The following ANKRD44 variants were observed in gnomAD, a reference collection of about 807,000 sequenced individuals.
ANKRD44 encodes serine/threonine-protein phosphatase 6 regulatory ankyrin repeat subunit B.
In ANKRD44, 35 loss-of-function variants were observed where a neutral mutation model predicts 116.0. The ratio of observed to expected loss-of-function variants is 0.30; its 90% CI spans 0.23 to 0.40. The LOEUF is 0.40. Ranked by LOEUF, ANKRD44 falls within the 10% of genes least tolerant of loss-of-function variation. The pLI, the probability that ANKRD44 is intolerant of heterozygous loss-of-function variation, is 1.00. For missense variants in ANKRD44, 1,014 were observed against 1,242.6 expected (o/e 0.82, Z 2.77); for synonymous variants, 435 against 461.8 (o/e 0.94, Z 0.74).
Position 196,987,771 on chromosome 2 carries a change from G to A in ANKRD44, c.*1820C>T. 1.0e-6 allele frequency: 1 copy of A among 985,336 alleles called. No homozygotes were observed. 61.0% of individuals were successfully genotyped at this position (985,336 alleles called of 1,614,324 possible). ...GCAATGAAACATGATCCTTGTAGTT[G>A]TGGTTAAAATACAGTCTAAAAATAA... On this transcript the variant is annotated 3_prime_UTR_variant, in exon 28 of 28. Coordinates refer to ENST00000282272, the MANE Select transcript of ANKRD44 (RefSeq NM_001195144.2).
rs1468046866 is a variant in ANKRD44 at position 197,110,779 on chromosome 2, G to C, written c.972C>G (p.Thr324=). ...AVHGRFTRSQ[T]LIQNGGEIDC... is the part of the protein sequence containing the mutation. Reference sequence around the variant, plus strand: ...CATCTCTCTTACCATTCTGAATGAGGGTCTGTGACCGTGTGAACCTTCCAT... The same window carrying C: ...CATCTCTCTTACCATTCTGAATGAGCGTCTGTGACCGTGTGAACCTTCCAT... Residue 324 remains threonine, a synonymous_variant, in exon 9 of 28, where the codon ACC becomes ACG. Transcript: ENST00000282272. 2 of 1,613,292 alleles carry C rather than the reference G, an allele frequency of 1.2e-6. No individual in the cohort carries two copies. The highest frequency in any genetic ancestry group is 1.7e-6 in the Non-Finnish European group (2 of 1,179,382).
Position 196,988,712 on chromosome 2 carries a change from T to C in ANKRD44, c.*879A>G. The C allele has an allele frequency of 2.0e-6, 2 of 985,276 alleles. No individual in the cohort carries two copies. The highest frequency in any genetic ancestry group is 2.4e-6 in the Non-Finnish European group (2 of 829,890). 61.0% of individuals were successfully genotyped at this position (985,276 alleles called of 1,614,324 possible). ...GAACTCATTATAAAACGTCAGAGAG[T>C]ACTGCTCTAATTCGACACATTTCTT... On this transcript the variant is annotated 3_prime_UTR_variant, in exon 28 of 28. Coordinates refer to ENST00000282272, the MANE Select transcript of ANKRD44 (RefSeq NM_001195144.2).
chr2:197,019,686 A>G (rs1393587966), intron 17 of ANKRD44, among the ~76,000 whole-genome samples: 2 of 152,248 alleles, frequency 1.3e-5, no homozygotes, highest in African/African-American at 2.4e-5. Flanking sequence ...CTTTTATTAT[A>G]GGAAATTCCA....
At chr2:197,085,068 G>T (rs2077888663) in intron 13 of ANKRD44, among the ~76,000 whole-genome samples, 1 of 152,276 alleles carries the variant, frequency 6.6e-6, no homozygotes, top group East Asian at 1.9e-4. Flanking sequence ...GCTCTCGATT[G>T]TTCAGCAGTT....
intron 2 of ANKRD44, among the ~76,000 whole-genome samples, chr2:197,179,557 C>T (rs918869858): frequency 4.6e-5 from 7 of 152,160 alleles, no homozygotes; most frequent in African/African-American, 1.4e-4. Flanking sequence ...CTTTGTACTA[C>T]AAAAATGTCC....
At chr2:197,226,867 T>C (rs1308826962) in intron 1 of ANKRD44, among the ~76,000 whole-genome samples, 2 of 152,150 alleles carry the variant, frequency 1.3e-5, no homozygotes, top group Non-Finnish European at 2.9e-5. Flanking sequence ...TTACCTTCTT[T>C]CATAACTCTA....
chr2:197,284,503 A>AACACACACACACACACAC (rs10547024), intron 1 of ANKRD44, among the ~76,000 whole-genome samples: 16 of 137,866 alleles, frequency 1.2e-4, no homozygotes, highest in African/African-American at 4.1e-4. Flanking sequence ...CAGAGAGTCA[A>AACACACACACACACACAC]ACACACACAC....
chr2:197,275,138 T>C (rs2083037219), intron 1 of ANKRD44, among the ~76,000 whole-genome samples: 1 of 151,580 alleles, frequency 6.6e-6, no homozygotes, highest in Non-Finnish European at 1.5e-5. Context: ...AGACAGACTC[T>C]CGCTCTGTCA....
intron 2 of ANKRD44, among the ~76,000 whole-genome samples, chr2:197,152,212 T>C (rs898926978): frequency 2.6e-5 from 4 of 152,214 alleles, no homozygotes; most frequent in South Asian, 2.1e-4. Flanking sequence ...ATTTCCATCT[T>C]TTGCCCAAGT....
intron 2 of ANKRD44, among the ~76,000 whole-genome samples, chr2:197,160,775 A>G (rs2079941765): frequency 6.6e-6 from 1 of 152,182 alleles, no homozygotes; most frequent in African/African-American, 2.4e-5. Context: ...AAAACTGGAC[A>G]GATGGGAGCT....
intron 1 of ANKRD44, among the ~76,000 whole-genome samples, chr2:197,243,695 G>A (rs768110209): frequency 2.6e-4 from 40 of 152,188 alleles, no homozygotes; most frequent in Non-Finnish European, 4.1e-4. Context: ...TGTTCCTCAC[G>A]GATGGCACCT....
At chr2:197,310,192 G>C (rs934999628) in intron 1 of ANKRD44, among the ~76,000 whole-genome samples, 15 of 152,048 alleles carry the variant, frequency 9.9e-5, no homozygotes, top group Admixed American at 6.5e-4. Flanking sequence ...CTCCCTCTTC[G>C]TGCAGCGTCC....
At chr2:197,291,442 G>A (rs187611683) in intron 1 of ANKRD44, among the ~76,000 whole-genome samples, 15 of 152,154 alleles carry the variant, frequency 9.9e-5, no homozygotes, top group African/African-American at 2.4e-4. Context: ...CCCAGGAGGC[G>A]GAGGCTGCAG....
rs2077041819 is a variant in ANKRD44, at chr2:197,048,310, G to C, written c.1651-23043C>G. 2.0e-5 allele frequency among the ~76,000 whole-genome samples: 3 copies of C among 152,156 alleles called. No homozygotes were observed. The South Asian group carries it at 6.2e-4, about 32-fold the overall frequency. On this transcript the variant is annotated intron_variant, in intron 16 of 27. Transcript: ENST00000282272. ...AACCATCAACTCGTCATTTACATTA[G>C]GTATTTCTCCTAATGCTATCCCTCC...
intron 16 of ANKRD44, among the ~76,000 whole-genome samples, chr2:197,032,927 A>G (rs2076735115): frequency 6.6e-6 from 1 of 152,240 alleles, no homozygotes; most frequent in East Asian, 1.9e-4. Context: ...TGCCTTCTTC[A>G]TAAGAAACAA....
chr2:197,258,467 A>G (rs966078078), intron 1 of ANKRD44, among the ~76,000 whole-genome samples: 2 of 151,750 alleles, frequency 1.3e-5, no homozygotes, highest in African/African-American at 4.8e-5. Context: ...CATATATCAC[A>G]TTTTGTTTAT....
intron 8 of ANKRD44, among the ~76,000 whole-genome samples, chr2:197,111,902 A>G (rs1187501600): frequency 1.3e-5 from 2 of 152,132 alleles, no homozygotes; most frequent in African/African-American, 4.8e-5. Context: ...CTTTTGAATG[A>G]CCAGCTGGGA....
At chr2:197,087,968 G>A (rs1029821516) in intron 12 of ANKRD44, among the ~76,000 whole-genome samples, 55 of 152,196 alleles carry the variant, frequency 3.6e-4, no homozygotes, top group African/African-American at 1.1e-3. Flanking sequence ...CTGATAAATA[G>A]GTAATGCCTT....
At chr2:197,152,317 C>T (rs2079673833) in intron 2 of ANKRD44, among the ~76,000 whole-genome samples, 1 of 152,192 alleles carries the variant, frequency 6.6e-6, no homozygotes, top group Non-Finnish European at 1.5e-5. Context: ...GCAGGTGCAG[C>T]AAGATTAACA....
Sources: allele counts gnomAD v4.1 joint callset (sites outside exome capture counted in the v4.1 genomes callset), GRCh38; gene constraint gnomAD v4.1.1; transcripts MANE v1.5; gene names NCBI Gene and HGNC (gene_info 2026-07-23, HGNC 2026-07-21).